CCDC148: variants seen among roughly 807,000 people sequenced by gnomAD.
CCDC148 encodes coiled-coil domain-containing protein 148.
A neutral mutation model predicts 85.7 loss-of-function variants in CCDC148; 89 were observed. That is an observed-to-expected ratio of 1.04 (90% CI 0.87 to 1.24). The LOEUF is 1.24. Among genes scored for constraint, CCDC148 ranks in the 50% most tolerant of loss-of-function variants. CCDC148 has a pLI of 0.00. For synonymous variants in CCDC148, 230 were observed against 213.9 expected (o/e 1.08, Z -0.66); for missense variants, 692 against 671.7 (o/e 1.03, Z -0.33).
chr2:158,436,731 C>T (rs1265523805), intron 1 of CCDC148, among the ~76,000 whole-genome samples: 1 of 151,956 alleles, frequency 6.6e-6, no homozygotes, highest in Non-Finnish European at 1.5e-5. Flanking sequence ...AGACCGCTAG[C>T]AAGACTAATA....
intron 7 of CCDC148, among the ~76,000 whole-genome samples, chr2:158,325,357 T>A (rs895207108): frequency 6.6e-6 from 1 of 152,180 alleles, no homozygotes; most frequent in African/African-American, 2.4e-5. Context: ...GACTGACCAC[T>A]TCCTCTTCAC....
chr2:158,403,310 CAGTTTGTA>C (rs1361119685), intron 1 of CCDC148, among the ~76,000 whole-genome samples: 1 of 151,768 alleles, frequency 6.6e-6, no homozygotes, highest in Non-Finnish European at 1.5e-5. Context: ...TTGAAGAATA[CAGTTTGTA>C]AGTTTGTAAG....
chr2:158,336,181 T>A (rs77116664), intron 7 of CCDC148, among the ~76,000 whole-genome samples: 1,897 of 152,274 alleles, frequency 0.012, 30 homozygotes, highest in African/African-American at 0.039. Flanking sequence ...AAACTGGAAG[T>A]ACAAATAATG....
chr2:158,220,976 C>T (rs1687151847), intron 10 of CCDC148, among the ~76,000 whole-genome samples: 1 of 152,154 alleles, frequency 6.6e-6, no homozygotes, highest in African/African-American at 2.4e-5. Context: ...AGGTTTTAAT[C>T]TATGGCTAAA....
At chr2:158,414,820 A>G (rs1283934886) in intron 1 of CCDC148, among the ~76,000 whole-genome samples, 1 of 152,212 alleles carries the variant, frequency 6.6e-6, no homozygotes, top group African/African-American at 2.4e-5. Context: ...TTTGGTTTCC[A>G]TCATCCATGA....
intron 10 of CCDC148, among the ~76,000 whole-genome samples, chr2:158,245,465 A>G (rs1688532199): frequency 6.6e-6 from 1 of 152,202 alleles, no homozygotes; most frequent in Non-Finnish European, 1.5e-5. Context: ...TCAATTGCAC[A>G]AAGTGTCTGG....
At chr2:158,192,370 C>T (rs746413350) in intron 11 of CCDC148, among the ~76,000 whole-genome samples, 6 of 151,994 alleles carry the variant, frequency 3.9e-5, no homozygotes, top group East Asian at 3.9e-4. Flanking sequence ...AAACTTTAGT[C>T]GGATGTCTGG....
intron 1 of CCDC148, among the ~76,000 whole-genome samples, chr2:158,360,325 G>C (rs965540168): frequency 5.3e-5 from 8 of 152,118 alleles, no homozygotes; most frequent in African/African-American, 1.4e-4. Flanking sequence ...GCTCTGCTAG[G>C]GGTCAGACTG....
intron 9 of CCDC148, among the ~76,000 whole-genome samples, chr2:158,289,811 T>A (rs566277059): frequency 6.6e-6 from 1 of 152,146 alleles, no homozygotes; most frequent in Non-Finnish European, 1.5e-5. Context: ...ATAACCCAAA[T>A]GTCTATCAAC....
intron 10 of CCDC148, among the ~76,000 whole-genome samples, chr2:158,221,970 G>T (rs1687207336): frequency 6.6e-6 from 1 of 151,932 alleles, no homozygotes; most frequent in Non-Finnish European, 1.5e-5. Context: ...TAAATGCCAG[G>T]GAATTCTATT....
chr2:158,445,723 T>G (rs1290438097), intron 1 of CCDC148, among the ~76,000 whole-genome samples: 1 of 152,140 alleles, frequency 6.6e-6, no homozygotes, highest in African/African-American at 2.4e-5. Context: ...TATTTCCAAA[T>G]GTATTTATTT....
At chr2:158,449,173 T>C (rs973510742) in intron 1 of CCDC148, among the ~76,000 whole-genome samples, 30 of 152,166 alleles carry the variant, frequency 2.0e-4, no homozygotes, top group African/African-American at 6.3e-4. Flanking sequence ...TCCTAGCATA[T>C]AAAAATACAA....
At chr2:158,290,033 G>A (rs1261876674) in intron 9 of CCDC148, among the ~76,000 whole-genome samples, 5 of 152,224 alleles carry the variant, frequency 3.3e-5, no homozygotes, top group East Asian at 3.8e-4. Context: ...AACATGGGAA[G>A]GTGAGGGGTT....
chr2:158,313,996 C>G (rs973251284), intron 7 of CCDC148, 102 bp from the exon 8 acceptor site: 1 of 1,172,886 alleles, frequency 8.5e-7, no homozygotes, highest in East Asian at 2.5e-5. Context: ...CGAAGCAAAA[C>G]GAGGTTTCTG....
intron 7 of CCDC148, among the ~76,000 whole-genome samples, chr2:158,329,058 C>A (rs997708591): frequency 1.3e-5 from 2 of 152,056 alleles, no homozygotes; most frequent in African/African-American, 2.4e-5. Flanking sequence ...GTTGCCATTG[C>A]TTTTGGTGTT....
chr2:158,270,183 T>G (rs1468764797), intron 9 of CCDC148, among the ~76,000 whole-genome samples: 2 of 152,214 alleles, frequency 1.3e-5, no homozygotes, highest in Non-Finnish European at 2.9e-5. Flanking sequence ...ATGTCAAACT[T>G]GCTAAACATT....
chr2:158,232,069 G>C (rs1417408399), intron 10 of CCDC148, among the ~76,000 whole-genome samples: 1 of 127,468 alleles, frequency 7.8e-6, no homozygotes, highest in Admixed American at 9.1e-5. Flanking sequence ...AGAAGAATCA[G>C]AAAGTCAGCA....
At chr2:158,400,487 G>A (rs1238689428) in intron 1 of CCDC148, among the ~76,000 whole-genome samples, 3 of 152,090 alleles carry the variant, frequency 2.0e-5, no homozygotes, top group Admixed American at 1.3e-4. Context: ...AATGGTGCTG[G>A]GAAAACCGGC....
Position 158,308,548 on chromosome 2 carries a change from T to A in CCDC148, c.1110+885A>T, listed in dbSNP as rs1691807120. On this transcript the variant is annotated intron_variant, in intron 9 of 13. Transcript: ENST00000283233. The stretch of plus-strand genomic sequence containing the variant: ...ATTTGTTTTATATGCTCTTAATTGG[T>A]ATTGCTTAATGTCTGCCAGTTGTTT... Among the ~76,000 whole-genome samples, 3 of 152,376 alleles carry A rather than the reference T, an allele frequency of 2.0e-5. No individual in the cohort carries two copies. In the South Asian group the frequency reaches 6.2e-4, roughly 32 times the overall value.
Sources: allele counts gnomAD v4.1 joint callset (sites outside exome capture counted in the v4.1 genomes callset), GRCh38; gene constraint gnomAD v4.1.1; transcripts MANE v1.5; gene names NCBI Gene and HGNC (gene_info 2026-07-23, HGNC 2026-07-21).